The following MCF2L2 variants were observed in gnomAD, a reference collection of about 807,000 sequenced individuals.
The protein encoded by MCF2L2 is probable guanine nucleotide exchange factor MCF2L2.
Under a neutral mutation model 150.2 loss-of-function variants are expected in MCF2L2, and 102 were observed. That is an observed-to-expected ratio of 0.68 (90% CI 0.58 to 0.80). The LOEUF is 0.80. Among genes scored for constraint, MCF2L2 ranks in the 30% least tolerant of loss-of-function variants. MCF2L2 has a pLI of 0.00. For missense variants in MCF2L2, 1,256 were observed against 1,372.8 expected (o/e 0.91, Z 1.34); for synonymous variants, 465 against 491.3 (o/e 0.95, Z 0.71).
intron 3 of MCF2L2, among the ~76,000 whole-genome samples, chr3:183,348,857 C>A (rs1167645982): frequency 6.6e-6 from 1 of 152,052 alleles, no homozygotes; most frequent in Non-Finnish European, 1.5e-5. Flanking sequence ...AACATTGCCC[C>A]AAAGACACAA....
chr3:183,217,342 T>C (rs900016285), intron 21 of MCF2L2, among the ~76,000 whole-genome samples: 6 of 137,628 alleles, frequency 4.4e-5, no homozygotes, highest in African/African-American at 1.7e-4. Flanking sequence ...TGTGGTGGTG[T>C]GTGCCTGTAA....
At position 183,428,006 on chromosome 3, in the gene MCF2L2, A is replaced by C; in HGVS notation, c.-29T>G. 6.4e-7 allele frequency: 1 copy of C among 1,559,792 alleles called. No homozygotes were observed. The highest frequency in any genetic ancestry group is 8.8e-7 in the Non-Finnish European group (1 of 1,130,730). The stretch of plus-strand genomic sequence containing the variant: ...ACTGAAAAACCATTCCGTATAAATA[A>C]AGCCAAACAAAACTGTTTCTACCGC... On this transcript the variant is annotated 5_prime_UTR_variant, in exon 1 of 30. Transcript: ENST00000328913. The surrounding 1 kb of genome is among the most constrained non-coding windows in gnomAD (Gnocchi z 5.1).
intron 7 of MCF2L2, among the ~76,000 whole-genome samples, chr3:183,317,041 G>A (rs1203799393): frequency 6.6e-6 from 1 of 152,070 alleles, no homozygotes; most frequent in Non-Finnish European, 1.5e-5. Context: ...CTTAAAGACT[G>A]AATTTAATGG....
intron 1 of MCF2L2, among the ~76,000 whole-genome samples, chr3:183,423,645 T>TG (rs1426076997): frequency 5.5e-5 from 8 of 145,200 alleles, no homozygotes; most frequent in African/African-American, 1.3e-4. Context: ...TTTTTTTTTT[T>TG]TTTTTTTTTT....
chr3:183,389,860 G>A, intron 1 of MCF2L2, 81 bp from the exon 2 acceptor site: 4 of 1,129,934 alleles, frequency 3.5e-6, no homozygotes, highest in Non-Finnish European at 5.3e-6. Context: ...AAGGCAAGTT[G>A]TACTATTGGG....
At chr3:183,263,726 G>A (rs1381345276) in intron 15 of MCF2L2, among the ~76,000 whole-genome samples, 2 of 151,984 alleles carry the variant, frequency 1.3e-5, no homozygotes, top group African/African-American at 4.8e-5. Context: ...CCATCGCCTC[G>A]AACTCAATGC....
intron 3 of MCF2L2, among the ~76,000 whole-genome samples, chr3:183,367,964 G>A (rs907894296): frequency 2.6e-5 from 4 of 152,154 alleles, no homozygotes; most frequent in Admixed American, 2.6e-4. Flanking sequence ...TTTGAAAACT[G>A]CATGACATGG....
At chr3:183,417,293 G>C (rs997222756) in intron 1 of MCF2L2, among the ~76,000 whole-genome samples, 8 of 152,040 alleles carry the variant, frequency 5.3e-5, no homozygotes, top group African/African-American at 1.9e-4. Flanking sequence ...CCAAGGAATG[G>C]CTGTATGCAT....
At chr3:183,312,782 C>T (rs1170531945) in intron 7 of MCF2L2, among the ~76,000 whole-genome samples, 1 of 152,186 alleles carries the variant, frequency 6.6e-6, no homozygotes, top group African/African-American at 2.4e-5. Context: ...TTCCTTGTGT[C>T]CCATCCTACT....
intron 2 of MCF2L2, among the ~76,000 whole-genome samples, chr3:183,381,758 T>C (rs1560049686): frequency 6.6e-6 from 1 of 152,168 alleles, no homozygotes; most frequent in Admixed American, 6.6e-5. Context: ...GATCTACAGA[T>C]TAGATGTTTA....
At chr3:183,201,855 A>G (rs1722298225) in intron 25 of MCF2L2, among the ~76,000 whole-genome samples, 1 of 152,318 alleles carries the variant, frequency 6.6e-6, no homozygotes. Context: ...ATTTTGTTGA[A>G]GACCTTTACT....
At chr3:183,408,117 A>G (rs970421784) in intron 1 of MCF2L2, among the ~76,000 whole-genome samples, 3 of 152,034 alleles carry the variant, frequency 2.0e-5, no homozygotes, top group East Asian at 1.9e-4. Flanking sequence ...GTCCCCCCCA[A>G]TCTTCTGTGT....
intron 5 of MCF2L2, among the ~76,000 whole-genome samples, chr3:183,333,941 G>T (rs986467190): frequency 1.4e-5 from 2 of 143,056 alleles, no homozygotes; most frequent in Non-Finnish European, 3.0e-5. Context: ...ATCATATTAG[G>T]CCAGAAAGTA....
chr3:183,405,600 C>G lies in MCF2L2; in HGVS notation c.77-15821G>C, dbSNP rs577458159. On this transcript the variant is annotated intron_variant, in intron 1 of 29. Transcript: ENST00000328913. ...ATCTTTATCTTAGCATAATATATTT[C>G]AGATGTATTCATATTATCATCTGTA... 3.3e-5 allele frequency among the ~76,000 whole-genome samples: 5 copies of G among 152,316 alleles called. 1 individual carries two copies. The East Asian group carries it at 9.6e-4, about 29-fold the overall frequency.
chr3:183,216,552 T>TATA (rs1207002962), intron 21 of MCF2L2, among the ~76,000 whole-genome samples: 5 of 33,104 alleles, frequency 1.5e-4, no homozygotes, highest in African/African-American at 3.7e-4. Flanking sequence ...AGTATATATA[T>TATA]TATATATATA....
chr3:183,275,794 T>C lies in MCF2L2; in HGVS notation c.1862+1078A>G, dbSNP rs1294271142. On this transcript the variant is annotated intron_variant, in intron 15 of 29. Coordinates refer to ENST00000328913, the MANE Select transcript of MCF2L2 (RefSeq NM_015078.4). The stretch of plus-strand genomic sequence containing the variant: ...ACATCCCGCTAAATGTTTTAATTTC[T>C]TGTGGAGATGGTGTCTTCACTATGT... 5.9e-5 allele frequency among the ~76,000 whole-genome samples: 9 copies of C among 152,182 alleles called. No homozygotes were observed. The East Asian group carries it at 1.7e-3, about 29-fold the overall frequency.
chr3:183,203,230 A>T (rs1722357039), intron 25 of MCF2L2, among the ~76,000 whole-genome samples: 1 of 152,114 alleles, frequency 6.6e-6, no homozygotes, highest in South Asian at 2.1e-4. Flanking sequence ...AAAAAAAAAG[A>T]AAAAAGAAAA....
At chr3:183,390,476 C>T (rs1714079528) in intron 1 of MCF2L2, among the ~76,000 whole-genome samples, 1 of 152,026 alleles carries the variant, frequency 6.6e-6, no homozygotes, top group South Asian at 2.1e-4. Context: ...ACTTATAAGC[C>T]CTGTGATTTG....
Position 183,186,379 on chromosome 3 carries a change from A to C in MCF2L2, c.3017-6220T>G, listed in dbSNP as rs369708177. Among the ~76,000 whole-genome samples, 4 of 152,172 alleles carry C rather than the reference A, an allele frequency of 2.6e-5. No homozygotes were observed. The East Asian group carries it at 5.8e-4, about 22-fold the overall frequency. On this transcript the variant is annotated intron_variant, in intron 27 of 29. Transcript: ENST00000328913. ...AGCAATCCTTTCACCTTGGCCTGCC[A>C]AATAGCTAGGATTACAGACACCCAC...
Sources: allele counts gnomAD v4.1 joint callset (sites outside exome capture counted in the v4.1 genomes callset), GRCh38; gene constraint gnomAD v4.1.1; non-coding constraint Gnocchi (gnomAD v3.1); transcripts MANE v1.5; gene names NCBI Gene and HGNC (gene_info 2026-07-23, HGNC 2026-07-21).